CYP39A1: variants seen among roughly 807,000 people sequenced by gnomAD.
CYP39A1 encodes 24-hydroxycholesterol 7-alpha-hydroxylase.
In CYP39A1, 49 loss-of-function variants were observed where a neutral mutation model predicts 58.1. The observed-to-expected ratio is 0.84, with a 90% CI of 0.67 to 1.07. The LOEUF (loss-of-function observed/expected upper bound fraction) is 1.07, where lower values mean the gene tolerates loss of function less well. Among genes scored for constraint, CYP39A1 ranks in the 50% least tolerant of loss-of-function variants. The pLI is 0.00. For synonymous variants in CYP39A1, 209 were observed against 187.6 expected, an observed-to-expected ratio of 1.11 and a Z score of -0.93; for missense variants, 531 against 539.4, an observed-to-expected ratio of 0.98 and a Z score of 0.16.
intron 7 of CYP39A1, among the ~76,000 whole-genome samples, chr6:46,621,989 C>T (rs1774984907): frequency 6.6e-6 from 1 of 152,024 alleles, no homozygotes; most frequent in African/African-American, 2.4e-5. Flanking sequence ...TCCAGAAATG[C>T]ATGGATGCTT....
chr6:46,621,555 A>C (rs1280218999), intron 7 of CYP39A1, among the ~76,000 whole-genome samples: 1 of 152,146 alleles, frequency 6.6e-6, no homozygotes, highest in East Asian at 1.9e-4. Context: ...CCAACAAATT[A>C]GATAATCTAG....
intron 7 of CYP39A1, among the ~76,000 whole-genome samples, chr6:46,609,160 G>A (rs916338431): frequency 1.3e-5 from 2 of 151,814 alleles, no homozygotes; most frequent in Admixed American, 6.6e-5. Context: ...CCAGCACTTC[G>A]GGAGGCCGAG....
chr6:46,652,322 C>T, intron 1 of CYP39A1, 84 bp downstream of exon 1: 2 of 1,340,302 alleles, frequency 1.5e-6, no homozygotes, highest in Non-Finnish European at 2.0e-6. Context: ...CGTGTTCTAG[C>T]CCTGCACTTA....
chr6:46,601,905 G>C (rs1773530558), intron 7 of CYP39A1, among the ~76,000 whole-genome samples: 1 of 152,000 alleles, frequency 6.6e-6, no homozygotes, highest in Non-Finnish European at 1.5e-5. Context: ...CTCTCAGCTA[G>C]AAATTCTCCT....
intron 10 of CYP39A1, among the ~76,000 whole-genome samples, chr6:46,585,263 T>A (rs1404819210): frequency 1.3e-5 from 2 of 152,110 alleles, no homozygotes; most frequent in Non-Finnish European, 2.9e-5. Flanking sequence ...GTCATTGGTT[T>A]AAAATACTGC....
At chr6:46,585,194 G>A (rs1178772735) in intron 10 of CYP39A1, among the ~76,000 whole-genome samples, 1 of 152,072 alleles carries the variant, frequency 6.6e-6, no homozygotes, top group African/African-American at 2.4e-5. Flanking sequence ...GGAAACAATA[G>A]TCAACAGGTA....
chr6:46,608,708 G>A (rs1157757565), intron 7 of CYP39A1, among the ~76,000 whole-genome samples: 3 of 151,866 alleles, frequency 2.0e-5, no homozygotes, highest in Non-Finnish European at 4.4e-5. Context: ...TCCGCCTCCT[G>A]GATTCAAGTA....
intron 7 of CYP39A1, among the ~76,000 whole-genome samples, chr6:46,605,546 T>C (rs1044028653): frequency 3.9e-5 from 6 of 152,104 alleles, no homozygotes; most frequent in Non-Finnish European, 4.4e-5. Context: ...GGCAATGCAA[T>C]GCAGAAAACG....
intron 2 of CYP39A1, among the ~76,000 whole-genome samples, chr6:46,641,105 CT>C (rs1353690563): frequency 6.6e-6 from 1 of 151,974 alleles, no homozygotes; most frequent in Non-Finnish European, 1.5e-5. Context: ...TATATTTCAT[CT>C]GTTCAATGAA....
At chr6:46,652,079 A>C (rs1014290449) in intron 1 of CYP39A1, among the ~76,000 whole-genome samples, 2 of 152,234 alleles carry the variant, frequency 1.3e-5, no homozygotes, top group African/African-American at 4.8e-5. Flanking sequence ...ATTGGATTAC[A>C]CTTTATCTTT....
Position 46,636,059 on chromosome 6 carries a change from T to C in CYP39A1, c.732+330A>G, listed in dbSNP as rs367556466. 3.0e-4 allele frequency among the ~76,000 whole-genome samples: 46 copies of C among 152,346 alleles called. No homozygotes were observed. The South Asian group carries it at 9.5e-3, about 32-fold the overall frequency. On this transcript the variant is annotated intron_variant, in intron 5 of 11. Transcript: ENST00000275016. ...GGCATCAACAACAAAGCCTATTTTG[T>C]AGAGCTTTGTTTTTCCTAATTTGCC...
intron 10 of CYP39A1, among the ~76,000 whole-genome samples, chr6:46,581,453 G>A (rs901516850): frequency 1.3e-5 from 2 of 151,680 alleles, no homozygotes; most frequent in African/African-American, 4.8e-5. Flanking sequence ...AGAAAGTATG[G>A]TACATAGTAA....
chr6:46,553,715 T>C (rs1770527257), intron 11 of CYP39A1, 52 bp downstream of exon 11: 10 of 1,228,368 alleles, frequency 8.1e-6, no homozygotes, highest in Non-Finnish European at 1.2e-5. Flanking sequence ...GTGGGGGTGG[T>C]TATGTCATAT....
At chr6:46,579,080 G>C (rs1771990147) in intron 10 of CYP39A1, among the ~76,000 whole-genome samples, 1 of 151,914 alleles carries the variant, frequency 6.6e-6, no homozygotes, top group Admixed American at 6.6e-5. Flanking sequence ...CTAGCAAATT[G>C]ATTTCAGCCA....
chr6:46,596,574 T>TC (rs879558947), intron 7 of CYP39A1, among the ~76,000 whole-genome samples: 3 of 151,830 alleles, frequency 2.0e-5, no homozygotes, highest in Non-Finnish European at 2.9e-5. Flanking sequence ...CTTTTTTTTT[T>TC]CCCCCTAAAT....
chr6:46,572,479 A>AAT, intron 10 of CYP39A1, among the ~76,000 whole-genome samples: 1 of 152,286 alleles, frequency 6.6e-6, no homozygotes. Context: ...CAGTAGTTTG[A>AAT]ATATATCATC....
At chr6:46,554,470 T>C (rs1044284608) in intron 10 of CYP39A1, among the ~76,000 whole-genome samples, 1 of 152,146 alleles carries the variant, frequency 6.6e-6, no homozygotes, top group African/African-American at 2.4e-5. Context: ...TGTCTAAGAG[T>C]GCCCAAGCAT....
At chr6:46,589,216 G>A (rs1772661905) in intron 8 of CYP39A1, among the ~76,000 whole-genome samples, 1 of 152,084 alleles carries the variant, frequency 6.6e-6, no homozygotes, top group African/African-American at 2.4e-5. Context: ...ACTTTGGGAG[G>A]CCTTGGTCGG....
At chr6:46,588,418 T>C (rs1485881731) in intron 8 of CYP39A1, among the ~76,000 whole-genome samples, 1 of 152,060 alleles carries the variant, frequency 6.6e-6, no homozygotes, top group South Asian at 2.1e-4. Context: ...TTCAGTTATA[T>C]GGAAGGAAAT....
Sources: gnomAD v4.1 joint callset for allele counts (sites outside exome capture counted in the v4.1 genomes callset) on GRCh38, gnomAD v4.1.1 for gene constraint, MANE v1.5 for transcripts, NCBI Gene and HGNC (gene_info 2026-07-23, HGNC 2026-07-21) for gene names.